Variants in STK38L observed in about 807,000 individuals in gnomAD.
STK38L encodes the protein serine/threonine-protein kinase 38-like.
Under a neutral mutation model 59.7 loss-of-function variants are expected in STK38L, and 28 were observed. The observed-to-expected ratio is 0.47, with a 90% confidence interval of 0.35 to 0.64. STK38L has a LOEUF of 0.64. Among genes scored for constraint, STK38L ranks in the 30% least tolerant of loss-of-function variants. The pLI is 0.01. For missense variants in STK38L, 314 were observed against 555.8 expected, an observed-to-expected ratio of 0.56 and a Z score of 4.37; for synonymous variants, 162 against 176.8, an observed-to-expected ratio of 0.92 and a Z score of 0.66.
chr12:27,275,697 A>T (rs1309915087), intron 1 of STK38L, among the ~76,000 whole-genome samples: 1 of 152,100 alleles, frequency 6.6e-6, no homozygotes, highest in African/African-American at 2.4e-5. Context: ...AATTCTACCC[A>T]CATGTGACAC....
intron 5 of STK38L, among the ~76,000 whole-genome samples, chr12:27,309,511 C>G (rs929244715): frequency 7.2e-5 from 11 of 152,182 alleles, no homozygotes; most frequent in African/African-American, 2.2e-4. Context: ...TCTGGTGAGG[C>G]CTCTCTTCCT....
intron 1 of STK38L, among the ~76,000 whole-genome samples, chr12:27,271,208 A>G (rs1188616555): frequency 2.0e-5 from 3 of 152,264 alleles, no homozygotes; most frequent in African/African-American, 7.2e-5. Context: ...CAGCCAGTCT[A>G]GTTGCACAGT....
At chr12:27,250,479 G>A (rs968455993) in intron 1 of STK38L, among the ~76,000 whole-genome samples, 3 of 152,092 alleles carry the variant, frequency 2.0e-5, no homozygotes, top group African/African-American at 7.2e-5. Context: ...CTTTCTGAAT[G>A]TCACCCATTA....
chr12:27,322,181 T>C lies in STK38L; in HGVS notation c.1214T>C (p.Ile405Thr). The C allele has an allele frequency of 6.2e-7, 1 of 1,613,892 alleles. No homozygotes were observed. Among genetic ancestry groups the C allele is most frequent in the South Asian group, 1.1e-5 (1 of 91,070 alleles). Reference protein sequence around the residue: ...PAAIPIEIKSIDDTSNFDDFP... With the variant: ...PAAIPIEIKSTDDTSNFDDFP... ...GCAATCCCTATAGAAATCAAAAGCA[T>C]TGATGATACTTCAAATTTTGATGAC... Residue 405 changes from isoleucine to threonine, a missense_variant, in exon 13 of 14, where the codon ATT (isoleucine) becomes ACT (threonine). By Grantham distance (89) the Ile-to-Thr change is moderately conservative. Coordinates refer to ENST00000389032, the MANE Select transcript of STK38L (RefSeq NM_015000.4).
Position 27,322,395 on chromosome 12 carries a change from G to C in STK38L, c.1335G>C (p.Arg445Ser), listed in dbSNP as rs751440994. The C allele has an allele frequency of 1.9e-6, 3 of 1,613,892 alleles. No individual in the cohort carries two copies. The African/African-American group carries it at 4.0e-5, about 22-fold the overall frequency. Residue 445 changes from arginine (R) to serine (S), a missense_variant, in exon 14 of 14, where the codon AGG becomes AGC. By Grantham distance (110) the Arg-to-Ser change is moderately radical. Around this residue, in one of 3 missense-constraint regions of STK38L, gnomAD observed 94 missense variants for 142.2 expected, o/e 0.66. Transcript: ENST00000389032. ...DWVFLNYTYK[R>S]FEGLTQRGSI... ...TTTTTCTCAATTATACCTATAAAAG[G>C]TTTGAAGGGTTGACTCAACGTGGCT...
chr12:27,325,481 T>C lies in STK38L; in HGVS notation c.*3026T>C, dbSNP rs1424541982. On this transcript the variant is annotated 3_prime_UTR_variant, in exon 14 of 14. Transcript: ENST00000389032. ...GCAGCAGCTATCTGTCTTTTGCTGA[T>C]CTACAAATAAATGAATTGAGAATTT... The C allele has an allele frequency of 6.6e-6, 1 of 152,210 alleles. No individual in the cohort carries two copies. The highest frequency in any genetic ancestry group is 1.5e-5 in the Non-Finnish European group (1 of 68,018). The allele number at this position is 152,210 out of a possible 1,614,324, so 9.4% of individuals were successfully genotyped here.
rs139666897 is a variant in STK38L, at chr12:27,276,318, T to C, written c.-11-21392T>C. 1.4e-3 allele frequency among the ~76,000 whole-genome samples: 207 copies of C among 152,352 alleles called. 1 individual carries two copies. The East Asian group carries it at 0.032, about 23-fold the overall frequency. ...TGTATAGGATAGGTTTTTAAACTTC[T>C]AAATATGAGTTTCTCTGGTATTTTG... On this transcript the variant is annotated intron_variant, in intron 1 of 13. Transcript: ENST00000389032.
At position 27,308,352 on chromosome 12, in the gene STK38L, G is replaced by C; in HGVS notation, c.200G>C (p.Arg67Pro). The change falls in exon 4 of 14, where the codon CGA becomes CCA. Residue 67 changes from arginine to proline, a missense_variant. Transcript: ENST00000389032. The surrounding 1 kb of genome is among the most constrained non-coding windows in gnomAD (Gnocchi z 4.5). ...GLADEEKKLRRSQHARKETEF... is the reference protein window; with the variant it reads ...GLADEEKKLRPSQHARKETEF... The stretch of plus-strand genomic sequence containing the variant: ...TTTTTTTAATAGAAAAAGTTACGTC[G>C]ATCACAACACGCTCGCAAAGAAACA... 6.4e-7 allele frequency: 1 copy of C among 1,555,912 alleles called. No homozygotes were observed. The highest frequency in any genetic ancestry group is 8.7e-7 in the Non-Finnish European group (1 of 1,152,132).
chr12:27,256,201 C>T (rs566643435), intron 1 of STK38L, among the ~76,000 whole-genome samples: 52 of 152,238 alleles, frequency 3.4e-4, no homozygotes, highest in Non-Finnish European at 5.3e-4. Flanking sequence ...GTCTGTCTTC[C>T]ATGTGGCTGC....
chr12:27,305,128 G>A (rs1944277655), intron 3 of STK38L, among the ~76,000 whole-genome samples: 1 of 152,206 alleles, frequency 6.6e-6, no homozygotes, highest in African/African-American at 2.4e-5. Flanking sequence ...ATTGGCCCCT[G>A]TGGCCAAGGC....
rs574731430 is a variant in STK38L, at chr12:27,265,436, G to A, written c.-12+21104G>A. Among the ~76,000 whole-genome samples the A allele has an allele frequency of 1.4e-4, 21 of 152,066 alleles. 1 individual carries two copies. In the South Asian group the frequency reaches 3.9e-3, roughly 29 times the overall value. ...GTTATTTAATTGGAGCTCTATTATTGAACATTTAGATTGCTTCCAAAATTT... is the reference window on the plus strand; with the variant it reads ...GTTATTTAATTGGAGCTCTATTATTAAACATTTAGATTGCTTCCAAAATTT... On this transcript the variant is annotated intron_variant, in intron 1 of 13. Coordinates refer to ENST00000389032, the MANE Select transcript of STK38L (RefSeq NM_015000.4).
At chr12:27,274,033 T>C (rs1943479906) in intron 1 of STK38L, among the ~76,000 whole-genome samples, 1 of 151,968 alleles carries the variant, frequency 6.6e-6, no homozygotes, top group African/African-American at 2.4e-5. Flanking sequence ...GGTGGGCGGA[T>C]CACAAGGTCA....
At chr12:27,292,998 T>C (rs1221269421) in intron 1 of STK38L, among the ~76,000 whole-genome samples, 1 of 152,178 alleles carries the variant, frequency 6.6e-6, no homozygotes, top group Non-Finnish European at 1.5e-5. Context: ...TGGAGTCCAG[T>C]GGCTATGCAT....
chr12:27,272,747 C>T (rs771379548), intron 1 of STK38L, among the ~76,000 whole-genome samples: 17 of 152,014 alleles, frequency 1.1e-4, no homozygotes, highest in Non-Finnish European at 2.1e-4. Flanking sequence ...TTCAAAACCT[C>T]TTTCCCCCAA....
intron 1 of STK38L, among the ~76,000 whole-genome samples, chr12:27,267,859 G>T (rs1214335711): frequency 1.3e-5 from 2 of 151,934 alleles, no homozygotes; most frequent in African/African-American, 4.8e-5. Context: ...TTATGTTTAT[G>T]GGCCATTTAT....
intron 1 of STK38L, among the ~76,000 whole-genome samples, chr12:27,296,619 T>C (rs1332965970): frequency 1.3e-5 from 2 of 152,212 alleles, no homozygotes; most frequent in Non-Finnish European, 2.9e-5. Context: ...GGGGAACACT[T>C]TTCAACTAAG....
intron 3 of STK38L, among the ~76,000 whole-genome samples, chr12:27,305,095 C>T: frequency 6.6e-6 from 1 of 152,204 alleles, no homozygotes; most frequent in African/African-American, 2.4e-5. Context: ...GGAACCAAGG[C>T]TCATCTAAAG....
chr12:27,279,329 T>G (rs747267166), intron 1 of STK38L, among the ~76,000 whole-genome samples: 6 of 152,222 alleles, frequency 3.9e-5, no homozygotes, highest in Non-Finnish European at 8.8e-5. Context: ...TTAAATAGTT[T>G]AAAGGAACAG....
intron 1 of STK38L, among the ~76,000 whole-genome samples, chr12:27,292,110 A>G (rs527755811): frequency 1.1e-4 from 17 of 152,358 alleles, no homozygotes; most frequent in African/African-American, 3.8e-4. Context: ...TGTTTTTATC[A>G]GTCCAGGAAT....
Sources: gnomAD v4.1 joint callset for allele counts (sites outside exome capture counted in the v4.1 genomes callset) on GRCh38, gnomAD v4.1.1 for gene constraint, gnomAD v4.1.1 regional missense constraint, Gnocchi (gnomAD v3.1) non-coding constraint, MANE v1.5 for transcripts, NCBI Gene and HGNC (gene_info 2026-07-23, HGNC 2026-07-21) for gene names.